Variants in RGS9 observed in about 807,000 individuals in gnomAD.
RGS9 encodes the protein regulator of G protein signaling 9.
Under a neutral mutation model 102.0 loss-of-function variants are expected in RGS9, and 78 were observed. The observed-to-expected ratio is 0.76, with a 90% CI of 0.64 to 0.92. The LOEUF is 0.92. Ranked by LOEUF, RGS9 falls within the 40% of genes least tolerant of loss-of-function variation. RGS9 has a pLI of 0.00. For missense variants in RGS9, 833 were observed against 866.1 expected, an observed-to-expected ratio of 0.96 and a Z score of 0.48; for synonymous variants, 353 against 318.6, an observed-to-expected ratio of 1.11 and a Z score of -1.15.
At chr17:65,211,212 G>A (rs1211902528) in intron 17 of RGS9, among the ~76,000 whole-genome samples, 1 of 152,210 alleles carries the variant, frequency 6.6e-6, no homozygotes, top group Non-Finnish European at 1.5e-5. Flanking sequence ...CCGCCGAGGG[G>A]CTAGTTGCAG....
intron 13 of RGS9, among the ~76,000 whole-genome samples, 158 bp from the exon 14 acceptor site, chr17:65,201,835 C>T (rs1307558879): frequency 6.6e-6 from 1 of 152,198 alleles, no homozygotes; most frequent in Non-Finnish European, 1.5e-5. Context: ...TGTTGTCTAG[C>T]ATCACAATGT....
At chr17:65,144,029 G>A (rs1205445710) in intron 1 of RGS9, among the ~76,000 whole-genome samples, 6 of 152,028 alleles carry the variant, frequency 3.9e-5, no homozygotes, top group African/African-American at 7.3e-5. Flanking sequence ...CTTTTGAATC[G>A]GTGGGAAGAG....
At chr17:65,162,653 T>A (rs1404772420) in intron 6 of RGS9, among the ~76,000 whole-genome samples, 1 of 150,498 alleles carries the variant, frequency 6.6e-6, no homozygotes, top group Non-Finnish European at 1.5e-5. Flanking sequence ...TTTTTTTTAG[T>A]AGAGACAGGG....
intron 12 of RGS9, among the ~76,000 whole-genome samples, chr17:65,194,710 T>C (rs1249982222): frequency 6.6e-6 from 1 of 151,776 alleles, no homozygotes; most frequent in African/African-American, 2.4e-5. Flanking sequence ...AAGGGTGTAA[T>C]GGTCAAATTA....
In RGS9 at chr17:65,210,588, A is replaced by G; in HGVS notation, c.1390A>G (p.Thr464Ala). The G allele has an allele frequency of 1.2e-6, 2 of 1,614,000 alleles. No individual in the cohort carries two copies. Among genetic ancestry groups the G allele is most frequent in the Non-Finnish European group, 1.7e-6 (2 of 1,180,032 alleles). Residue 464 changes from threonine to alanine, a missense_variant, in exon 17 of 19, where the codon ACT becomes GCT. Transcript: ENST00000262406. ...EEAKAREAAN[T>A]VDITQPGQHM... ...AGCCAAGGCCCGAGAAGCAGCCAAC[A>G]CTGTGGACATCACCCAGGTCATGAG...
intron 8 of RGS9, among the ~76,000 whole-genome samples, chr17:65,174,788 C>T (rs1042189739): frequency 2.0e-5 from 3 of 152,146 alleles, no homozygotes; most frequent in African/African-American, 7.2e-5. Flanking sequence ...GTTTAATTGA[C>T]TCACAGTTCT....
At chr17:65,180,641 C>A (rs192835338) in intron 9 of RGS9, among the ~76,000 whole-genome samples, 2 of 152,292 alleles carry the variant, frequency 1.3e-5, no homozygotes, top group East Asian at 1.9e-4. Context: ...TGAACCACTG[C>A]GCCTGGCTAT....
chr17:65,223,466 C>T (rs771822619), intron 17 of RGS9, among the ~76,000 whole-genome samples: 1 of 152,242 alleles, frequency 6.6e-6, no homozygotes, highest in Non-Finnish European at 1.5e-5. Flanking sequence ...TTTCTTCCCC[C>T]ACCAGAGCTG....
chr17:65,141,779 G>A (rs976541615), intron 1 of RGS9, among the ~76,000 whole-genome samples: 2 of 152,178 alleles, frequency 1.3e-5, no homozygotes, highest in South Asian at 2.1e-4. Flanking sequence ...CAATGGAGTC[G>A]AATTATAAAA....
At chr17:65,201,275 G>C (rs1912830593) in intron 13 of RGS9, among the ~76,000 whole-genome samples, 1 of 152,188 alleles carries the variant, frequency 6.6e-6, no homozygotes, top group African/African-American at 2.4e-5. Context: ...GGGGGAACCT[G>C]GCTTTTCCTT....
chr17:65,224,403 C>T (rs529893713), intron 17 of RGS9, among the ~76,000 whole-genome samples: 3 of 152,202 alleles, frequency 2.0e-5, no homozygotes, highest in Admixed American at 6.5e-5. Flanking sequence ...CTGACCACCC[C>T]GGCTCTGCCT....
chr17:65,184,956 A>G (rs1401016063), intron 9 of RGS9, among the ~76,000 whole-genome samples: 1 of 151,374 alleles, frequency 6.6e-6, no homozygotes, highest in African/African-American at 2.4e-5. Context: ...TGCCACCTCA[A>G]ACTCCTGGGC....
chr17:65,174,549 G>A (rs1001519342), intron 8 of RGS9, among the ~76,000 whole-genome samples: 1 of 151,846 alleles, frequency 6.6e-6, no homozygotes, highest in African/African-American at 2.4e-5. Flanking sequence ...ATGTGTACAT[G>A]TAAGTGAGCA....
chr17:65,152,185 G>A (rs1414446504), intron 1 of RGS9, among the ~76,000 whole-genome samples: 2 of 152,336 alleles, frequency 1.3e-5, no homozygotes, highest in South Asian at 2.1e-4. Context: ...AGGGAGCCAA[G>A]TTGGTCTCTT....
At chr17:65,180,798 C>T (rs1310266761) in intron 9 of RGS9, among the ~76,000 whole-genome samples, 2 of 152,230 alleles carry the variant, frequency 1.3e-5, no homozygotes, top group African/African-American at 2.4e-5. Context: ...TCTCCCTCCT[C>T]CCACCCTCCA....
chr17:65,179,635 CTGTGTGTGTGTGTG>C (rs56275900), intron 9 of RGS9, among the ~76,000 whole-genome samples: 84 of 125,082 alleles, frequency 6.7e-4, no homozygotes, highest in Admixed American at 1.7e-3. Flanking sequence ...TACTGCTCAG[CTGTGTGTGTGTGTG>C]TGTGTGTGTG....
At chr17:65,220,663 T>C (rs7218518) in intron 17 of RGS9, among the ~76,000 whole-genome samples, 10,918 of 152,256 alleles carry the variant, frequency 0.072, 1,298 homozygotes, top group African/African-American at 0.25. Context: ...TGCTCACCTT[T>C]CTGCTCCCAG....
chr17:65,142,574 C>CTTTTTTTTT lies in RGS9; in HGVS notation c.57+4985_57+4993dup, dbSNP rs745663576. 1.4e-4 allele frequency among the ~76,000 whole-genome samples: 19 copies of CTTTTTTTTT among 137,774 alleles called. 1 individual carries two copies. The highest frequency in any genetic ancestry group is 6.3e-4 in the East Asian group (3 of 4,764). 90.4% of individuals were successfully genotyped at this position (137,774 alleles called of 152,430 possible). ...TGCCACTGTTTTTCTCCCTTCCTTT[C>CTTTTTTTTT]TTTTTTTTTTTTTTTTGTTTGTTTT... On this transcript the variant is annotated intron_variant, in intron 1 of 18. Coordinates refer to ENST00000262406, the MANE Select transcript of RGS9 (RefSeq NM_003835.4).
rs577506407 is a variant in RGS9, at chr17:65,208,604, C to T, written c.1289+597C>T. ...AATGTCCTGAGGGGCAGATTGAACT[C>T]TTTTCCGGGGGAATTCAATCTACAA... On this transcript the variant is annotated intron_variant, in intron 16 of 18. Coordinates refer to ENST00000262406, the MANE Select transcript of RGS9 (RefSeq NM_003835.4). Among the ~76,000 whole-genome samples, 4 of 152,268 alleles carry T rather than the reference C, an allele frequency of 2.6e-5. No individual in the cohort carries two copies. The South Asian group carries it at 8.3e-4, about 32-fold the overall frequency.
Sources: allele counts gnomAD v4.1 joint callset (sites outside exome capture counted in the v4.1 genomes callset), GRCh38; gene constraint gnomAD v4.1.1; transcripts MANE v1.5; gene names NCBI Gene and HGNC (gene_info 2026-07-23, HGNC 2026-07-21).